ACOXL: variants seen among roughly 807,000 people sequenced by gnomAD.
The protein encoded by ACOXL is acyl-coenzyme A oxidase-like protein.
In ACOXL, 70 loss-of-function variants were observed where a neutral mutation model predicts 71.9. The observed-to-expected ratio is 0.97, with a 90% CI of 0.80 to 1.19. The LOEUF is 1.19. Among genes scored for constraint, ACOXL ranks in the 50% most tolerant of loss-of-function variants. ACOXL has a pLI of 0.00. For missense variants in ACOXL, 703 were observed against 736.3 expected (o/e 0.95, Z 0.52); for synonymous variants, 253 against 281.6 (o/e 0.90, Z 1.02).
chr2:110,876,314 A>G (rs1199333023), intron 10 of ACOXL, among the ~76,000 whole-genome samples: 1 of 152,200 alleles, frequency 6.6e-6, no homozygotes, highest in Non-Finnish European at 1.5e-5. Flanking sequence ...TGGGCCAGCC[A>G]CGGTGCCAGG....
chr2:110,801,241 A>G (rs1303773800), intron 7 of ACOXL, among the ~76,000 whole-genome samples: 1 of 151,992 alleles, frequency 6.6e-6, no homozygotes, highest in Non-Finnish European at 1.5e-5. Flanking sequence ...GGGAAGGAGG[A>G]GGGATTTGAG....
intron 16 of ACOXL, among the ~76,000 whole-genome samples, chr2:111,053,028 C>T (rs2066369824): frequency 1.3e-5 from 2 of 152,222 alleles, no homozygotes; most frequent in South Asian, 4.1e-4. Context: ...TCTATCCCCA[C>T]TCTGCCAGCA....
At chr2:110,776,908 A>C (rs991999932) in intron 2 of ACOXL, among the ~76,000 whole-genome samples, 1 of 151,848 alleles carries the variant, frequency 6.6e-6, no homozygotes, top group Non-Finnish European at 1.5e-5. Context: ...GCTAGCTGGG[A>C]CCAGAGTGAC....
At chr2:110,942,726 TA>T (rs373579252) in intron 12 of ACOXL, among the ~76,000 whole-genome samples, 1,982 of 139,492 alleles carry the variant, frequency 0.014, 44 homozygotes, top group African/African-American at 0.046. Flanking sequence ...CCATCTCTAC[TA>T]AAAAAAAAAA....
At chr2:111,003,267 A>G (rs565560228) in intron 14 of ACOXL, among the ~76,000 whole-genome samples, 25 of 152,244 alleles carry the variant, frequency 1.6e-4, no homozygotes, top group African/African-American at 6.0e-4. Context: ...TCACTGGACT[A>G]GGCTGGGTGC....
At chr2:110,786,304 T>A (rs1683956283) in intron 3 of ACOXL, among the ~76,000 whole-genome samples, 1 of 152,210 alleles carries the variant, frequency 6.6e-6, no homozygotes, top group African/African-American at 2.4e-5. Flanking sequence ...GGACATTGTC[T>A]ATTGGTAGGT....
intron 3 of ACOXL, 42 bp downstream of exon 3, chr2:110,784,857 G>A (rs758735090): frequency 5.9e-6 from 9 of 1,524,172 alleles, no homozygotes; most frequent in South Asian, 2.4e-5. Context: ...ATGCATGCTC[G>A]CTTTGCATGC....
chr2:110,764,065 T>C (rs1338339275), intron 1 of ACOXL, among the ~76,000 whole-genome samples: 1 of 152,232 alleles, frequency 6.6e-6, no homozygotes, highest in African/African-American at 2.4e-5. Flanking sequence ...AACAAGAAGT[T>C]TTATTCATTG....
chr2:110,956,084 T>C (rs2341915), intron 12 of ACOXL, among the ~76,000 whole-genome samples: 88,528 of 151,522 alleles, frequency 0.58, 26,069 homozygotes, highest in East Asian at 0.75. Flanking sequence ...TACAGGCAAG[T>C]GCTACTACGT....
At chr2:111,109,834 A>G (rs2069823678) in intron 17 of ACOXL, among the ~76,000 whole-genome samples, 1 of 151,858 alleles carries the variant, frequency 6.6e-6, no homozygotes, top group South Asian at 2.1e-4. Context: ...ATGCACCACC[A>G]TGCCTGGCTA....
intron 1 of ACOXL, among the ~76,000 whole-genome samples, chr2:110,746,328 T>C (rs1054122449): frequency 1.3e-5 from 2 of 152,190 alleles, no homozygotes; most frequent in Non-Finnish European, 2.9e-5. Context: ...GATCCCTGGC[T>C]GTTCTCTCTG....
chr2:110,968,357 A>G (rs1396328485), intron 12 of ACOXL: 1 of 1,132,518 alleles, frequency 8.8e-7, no homozygotes, highest in South Asian at 1.2e-5. Context: ...TCTGTCTCTC[A>G]TAGTACCAGA....
intron 17 of ACOXL, among the ~76,000 whole-genome samples, chr2:111,113,980 T>C (rs908387088): frequency 3.3e-5 from 5 of 152,220 alleles, no homozygotes; most frequent in Non-Finnish European, 7.3e-5. Context: ...AGAGATTCTT[T>C]TTGGAAAGGA....
intron 10 of ACOXL, among the ~76,000 whole-genome samples, chr2:110,877,386 C>G (rs62159473): frequency 0.33 from 50,328 of 152,130 alleles, 8,494 homozygotes; most frequent in Middle Eastern, 0.39. Flanking sequence ...GCTTCTGCTG[C>G]GGCCCGTGTG....
At chr2:110,777,535 A>G (rs907657827) in intron 2 of ACOXL, among the ~76,000 whole-genome samples, 1 of 151,984 alleles carries the variant, frequency 6.6e-6, no homozygotes, top group Non-Finnish European at 1.5e-5. Flanking sequence ...GTATGGTGCA[A>G]CTCCACCCTG....
At chr2:110,735,586 G>C (rs532482832) in intron 1 of ACOXL, among the ~76,000 whole-genome samples, 1 of 152,340 alleles carries the variant, frequency 6.6e-6, no homozygotes, top group Non-Finnish European at 1.5e-5. Flanking sequence ...CTGGCCATCG[G>C]CTCCCAGGGG....
In ACOXL at chr2:111,055,156, G is replaced by T. The variant is rs187724388; in HGVS notation, c.1440+5868G>T. 1.4e-3 allele frequency among the ~76,000 whole-genome samples: 220 copies of T among 152,250 alleles called. 2 individuals carry two copies. Among genetic ancestry groups the T allele is most frequent in the African/African-American group, 5.0e-3 (208 of 41,562 alleles). Reference sequence around the variant, plus strand: ...TCCAGCATGGGGACTGGTCCTGCAGGACCAGGCAGGTGCCTTTGTCTGCCT... The same window carrying T: ...TCCAGCATGGGGACTGGTCCTGCAGTACCAGGCAGGTGCCTTTGTCTGCCT... On this transcript the variant is annotated intron_variant, in intron 16 of 17. Transcript: ENST00000439055.
chr2:110,756,850 T>C (rs760928625), intron 1 of ACOXL, among the ~76,000 whole-genome samples: 4 of 152,180 alleles, frequency 2.6e-5, no homozygotes, highest in Non-Finnish European at 4.4e-5. Flanking sequence ...TTATCACACA[T>C]CTTTTTAAAA....
intron 17 of ACOXL, among the ~76,000 whole-genome samples, chr2:111,112,292 C>G (rs969984074): frequency 2.0e-5 from 3 of 152,154 alleles, no homozygotes; most frequent in Non-Finnish European, 2.9e-5. Flanking sequence ...GGAGACGCAC[C>G]AAGCTAAGGT....
Sources: allele counts gnomAD v4.1 joint callset (sites outside exome capture counted in the v4.1 genomes callset), GRCh38; gene constraint gnomAD v4.1.1; transcripts MANE v1.5; gene names NCBI Gene and HGNC (gene_info 2026-07-23, HGNC 2026-07-21).